Variants in CD244 observed in about 807,000 individuals in gnomAD.
The protein encoded by CD244 is CD244 molecule, also known as natural killer cell receptor 2B4.
CD244 carries 20 observed loss-of-function variants against 45.5 expected under a neutral mutation model. The observed-to-expected ratio is 0.44, with a 90% CI of 0.31 to 0.64. The LOEUF is 0.64. Among genes scored for constraint, CD244 ranks in the 30% least tolerant of loss-of-function variants. CD244 has a pLI of 0.08. For missense variants in CD244, 407 were observed against 426.9 expected (o/e 0.95, Z 0.41); for synonymous variants, 185 against 160.5 (o/e 1.15, Z -1.15).
At chr1:160,833,751 C>T (rs1233102275) in intron 7 of CD244, among the ~76,000 whole-genome samples, 2 of 152,250 alleles carry the variant, frequency 1.3e-5, no homozygotes, top group Non-Finnish European at 2.9e-5. Flanking sequence ...CGTAGTCTCT[C>T]TGTGCAAAGC....
intron 3 of CD244, 152 bp from the exon 4 acceptor site, chr1:160,839,201 C>T (rs76941621): frequency 0.01 from 6,096 of 601,414 alleles, 152 homozygotes; most frequent in East Asian, 0.056. Context: ...AAGGTTTTCT[C>T]TTTGCTCATT....
intron 3 of CD244, among the ~76,000 whole-genome samples, chr1:160,840,259 A>G (rs1029815297): frequency 6.7e-6 from 1 of 149,280 alleles, no homozygotes; most frequent in African/African-American, 2.5e-5. Context: ...GTGAGCCACC[A>G]CACCTGACCT....
In CD244 at chr1:160,831,197, C is replaced by T. The variant is rs1571080252; in HGVS notation, c.*150G>A. The T allele has an allele frequency of 1.6e-6, 1 of 642,958 alleles. No individual in the cohort carries two copies. Among genetic ancestry groups the T allele is most frequent in the East Asian group, 2.6e-5 (1 of 39,174 alleles). The allele number at this position is 642,958 out of a possible 1,614,324, so 39.8% of individuals were successfully genotyped here. On this transcript the variant is annotated 3_prime_UTR_variant, in exon 9 of 9. Coordinates refer to ENST00000368034, the MANE Select transcript of CD244 (RefSeq NM_016382.4). ...TGCTCTTATCATGGTTGTTAGACAT[C>T]ATTTTCAAAACAAAATATAGAACAA...
At chr1:160,839,705 G>T (rs574169473) in intron 3 of CD244, among the ~76,000 whole-genome samples, 2 of 152,200 alleles carry the variant, frequency 1.3e-5, no homozygotes, top group African/African-American at 4.8e-5. Flanking sequence ...TTAAACATTC[G>T]TGGATCTTGG....
intron 1 of CD244, among the ~76,000 whole-genome samples, chr1:160,853,083 T>G (rs980443232): frequency 2.6e-5 from 4 of 152,200 alleles, no homozygotes; most frequent in Non-Finnish European, 5.9e-5. Context: ...GTGTTAATAA[T>G]GGCTTTAGTC....
chr1:160,832,680 T>C, intron 7 of CD244, 105 bp from the exon 8 acceptor site: 1 of 1,561,538 alleles, frequency 6.4e-7, no homozygotes, highest in Non-Finnish European at 8.7e-7. Flanking sequence ...AGAAAAATTC[T>C]GAGGCACTCT....
At chr1:160,842,588 T>C (rs765795602) in intron 1 of CD244, among the ~76,000 whole-genome samples, 5 of 152,156 alleles carry the variant, frequency 3.3e-5, no homozygotes, top group Admixed American at 6.5e-5. Flanking sequence ...CCGTCCAAGC[T>C]GAACTCATGG....
chr1:160,836,282 A>G, intron 5 of CD244, 28 bp from the exon 6 acceptor site: 1 of 1,583,938 alleles, frequency 6.3e-7, no homozygotes, highest in Non-Finnish European at 8.7e-7. Context: ...ATGGGGTAAC[A>G]TGAGCGACAG....
At chr1:160,861,066 C>T (rs910167023) in intron 1 of CD244, among the ~76,000 whole-genome samples, 1 of 152,348 alleles carries the variant, frequency 6.6e-6, no homozygotes, top group African/African-American at 2.4e-5. Context: ...GGGTCATAAC[C>T]TCAGCTTCTC....
chr1:160,836,528 T>G (rs560853373), intron 5 of CD244, among the ~76,000 whole-genome samples: 2 of 152,246 alleles, frequency 1.3e-5, no homozygotes, highest in South Asian at 4.1e-4. Context: ...TTTCTTTCCT[T>G]TAGTAACTTA....
Position 160,836,230 on chromosome 1 carries a change from C to A in CD244, c.859G>T (p.Gly287Trp), listed in dbSNP as rs765258396. The A allele has an allele frequency of 2.1e-5, 34 of 1,613,778 alleles. No individual in the cohort carries two copies. The highest frequency in any genetic ancestry group is 2.8e-5 in the Non-Finnish European group (33 of 1,179,808). ...NHEQEQTFPG[G>W]GSTIYSMIQS... Reference sequence around the variant, plus strand: ...ATCATAGAGTAGATGGTGCTCCCCCCTCCAGGAAAAGTCTGCTCCTGCTCC... The same window carrying A: ...ATCATAGAGTAGATGGTGCTCCCCCATCCAGGAAAAGTCTGCTCCTGCTCC... The change falls in exon 6 of 9, where the codon GGG becomes TGG. Residue 287 changes from glycine (G) to tryptophan (W), a missense_variant. Coordinates refer to ENST00000368034, the MANE Select transcript of CD244 (RefSeq NM_016382.4).
chr1:160,844,366 G>A (rs1203693370), intron 1 of CD244, among the ~76,000 whole-genome samples: 1 of 152,182 alleles, frequency 6.6e-6, no homozygotes, highest in African/African-American at 2.4e-5. Context: ...ATAAGTTTAA[G>A]AATTTCAGCA....
chr1:160,835,817 T>C (rs1669312634), intron 6 of CD244, among the ~76,000 whole-genome samples: 1 of 152,264 alleles, frequency 6.6e-6, no homozygotes, highest in African/African-American at 2.4e-5. Context: ...AGATTCATTC[T>C]TTCCTGAAAA....
intron 1 of CD244, among the ~76,000 whole-genome samples, chr1:160,848,943 T>C (rs1287555089): frequency 6.6e-6 from 1 of 152,012 alleles, no homozygotes; most frequent in Non-Finnish European, 1.5e-5. Context: ...AAGGAGGGGG[T>C]TGTGAGAACC....
chr1:160,860,862 G>A (rs1356554141), intron 1 of CD244, among the ~76,000 whole-genome samples: 1 of 152,154 alleles, frequency 6.6e-6, no homozygotes, highest in African/African-American at 2.4e-5. Flanking sequence ...CTTATGCCAG[G>A]CCTGCCCTAT....
rs34052993 is a variant in CD244 at position 160,835,100 on chromosome 1, C to CT, written c.895-985dup. Among the ~76,000 whole-genome samples the CT allele has an allele frequency of 5.3e-5, 8 of 151,076 alleles. No homozygotes were observed. In the East Asian group the frequency reaches 9.7e-4, roughly 18 times the overall value. ...GAAGATGGTGCTCAATTTTTTTTTT[C>CT]TTTTTTTTAAAGCCATTTTTATCAG... On this transcript the variant is annotated intron_variant, in intron 6 of 8. Transcript: ENST00000368034.
At position 160,831,462 on chromosome 1, in the gene CD244, A is replaced by T. The variant is rs766283729; in HGVS notation, c.1018-35T>A. ...AAAAGGAGAAACTTCAGACCCTTGC[A>T]CTGGGAGGTCCTTATCACAATCCTG... On this transcript the variant is annotated intron_variant, in intron 8 of 8. Coordinates refer to ENST00000368034, the MANE Select transcript of CD244 (RefSeq NM_016382.4). 3.5e-6 allele frequency: 5 copies of T among 1,426,366 alleles called. 1 individual carries two copies. The South Asian group carries it at 5.8e-5, about 16-fold the overall frequency. 88.4% of individuals were successfully genotyped at this position (1,426,366 alleles called of 1,614,324 possible).
chr1:160,841,468 G>A lies in CD244; in HGVS notation c.397C>T (p.Arg133Cys), dbSNP rs373331921. Reference sequence around the variant, plus strand: ...AGGATCTTCCCCTGCCCCTGTAGGCGGGGTTTCTCAACTTTATCTGGAAGC... The same window carrying A: ...AGGATCTTCCCCTGCCCCTGTAGGCAGGGTTTCTCAACTTTATCTGGAAGC... The part of the protein sequence containing the change: ...VFVFDKVEKP[R>C]LQGQGKILDR... Residue 133 changes from arginine (R) to cysteine (C), a missense_variant, in exon 3 of 9, where the codon CGC becomes TGC. By Grantham distance (180) the Arg-to-Cys change is radical. Coordinates refer to ENST00000368034, the MANE Select transcript of CD244 (RefSeq NM_016382.4). The A allele has an allele frequency of 1.7e-4, 270 of 1,613,906 alleles. No individual in the cohort carries two copies. In the East Asian group the frequency reaches 2.1e-3, roughly 12 times the overall value.
At chr1:160,837,463 A>G (rs540018536) in intron 5 of CD244, among the ~76,000 whole-genome samples, 1 of 152,300 alleles carries the variant, frequency 6.6e-6, no homozygotes, top group Admixed American at 6.5e-5. Context: ...ACATTCCCAT[A>G]GCCACTGCTG....
Sources: gnomAD v4.1 joint callset for allele counts (sites outside exome capture counted in the v4.1 genomes callset) on GRCh38, gnomAD v4.1.1 for gene constraint, MANE v1.5 for transcripts, NCBI Gene and HGNC (gene_info 2026-07-23, HGNC 2026-07-21) for gene names.